IMMP2L: variants seen among roughly 807,000 people sequenced by gnomAD.
The protein encoded by IMMP2L is inner mitochondrial membrane peptidase subunit 2, also known as mitochondrial inner membrane protease subunit 2.
In IMMP2L, 18 loss-of-function variants were observed where a neutral mutation model predicts 19.3. That is an observed-to-expected ratio of 0.93 (90% confidence interval 0.64 to 1.38). The LOEUF is 1.38. Ranked by LOEUF, IMMP2L falls within the 40% of genes most tolerant of loss-of-function variation. The pLI, the probability that IMMP2L is intolerant of heterozygous loss-of-function variation, is 0.00. For missense variants in IMMP2L, 233 were observed against 218.2 expected (o/e 1.07, Z -0.43); for synonymous variants, 76 against 73.0 (o/e 1.04, Z -0.21).
intron 3 of IMMP2L, among the ~76,000 whole-genome samples, chr7:111,291,080 G>A (rs1821053956): frequency 6.6e-6 from 1 of 152,012 alleles, no homozygotes; most frequent in African/African-American, 2.4e-5. Flanking sequence ...ACTTTAATTA[G>A]AAACCACTCC....
Position 110,936,886 on chromosome 7 carries a change from A to G in IMMP2L, c.305+26614T>C, listed in dbSNP as rs558805580. Among the ~76,000 whole-genome samples, 14 of 152,310 alleles carry G rather than the reference A, an allele frequency of 9.2e-5. No individual in the cohort carries two copies. In the East Asian group the frequency reaches 2.7e-3, roughly 29 times the overall value. ...ATGCAGCCATGAAAAACATGATTTCATGTCCTGTGCAGGGACATGGATGAA... is the reference window on the plus strand; with the variant it reads ...ATGCAGCCATGAAAAACATGATTTCGTGTCCTGTGCAGGGACATGGATGAA... On this transcript the variant is annotated intron_variant, in intron 4 of 5. Transcript: ENST00000405709.
At chr7:110,684,814 A>G (rs1792995146) in intron 5 of IMMP2L, among the ~76,000 whole-genome samples, 1 of 152,056 alleles carries the variant, frequency 6.6e-6, no homozygotes, top group African/African-American at 2.4e-5. Flanking sequence ...AGTGGAATGG[A>G]ACAAGATATG....
In IMMP2L at chr7:111,539,208, A is replaced by AGGAAGGAAGGAAGG. The variant is rs1291310513; in HGVS notation, c.-2-17760_-2-17759insCCTTCCTTCCTTCC. Among the ~76,000 whole-genome samples the AGGAAGGAAGGAAGG allele has an allele frequency of 2.4e-4, 11 of 45,704 alleles. 2 individuals carry two copies. The highest frequency in any genetic ancestry group is 8.5e-4 in the South Asian group (1 of 1,174). The allele number at this position is 45,704 out of a possible 152,430, so 30.0% of individuals were successfully genotyped here. ...GGAAGGAAGGAGGGAGAAAGAAAGA[A>AGGAAGGAAGGAAGG]AGAAAGAAAGAAAGAAAGAAAGAAA... On this transcript the variant is annotated intron_variant, in intron 1 of 5. Transcript: ENST00000405709.
chr7:111,084,377 C>A (rs11976211), intron 3 of IMMP2L, among the ~76,000 whole-genome samples: 1 of 150,098 alleles, frequency 6.7e-6, no homozygotes, highest in African/African-American at 2.5e-5. Context: ...GCTTTAGACA[C>A]GTAGAGTACA....
intron 3 of IMMP2L, among the ~76,000 whole-genome samples, chr7:111,133,355 G>A (rs1802029390): frequency 6.6e-6 from 1 of 152,048 alleles, no homozygotes; most frequent in African/African-American, 2.4e-5. Context: ...GTAGTCCAGA[G>A]AGGCTTCTAA....
At chr7:111,224,066 A>T (rs1812815322) in intron 3 of IMMP2L, among the ~76,000 whole-genome samples, 1 of 152,070 alleles carries the variant, frequency 6.6e-6, no homozygotes, top group African/African-American at 2.4e-5. Flanking sequence ...TCTGCCACTC[A>T]CTGTGTGGCC....
At chr7:111,344,761 C>G (rs182517586) in intron 3 of IMMP2L, among the ~76,000 whole-genome samples, 72 of 152,240 alleles carry the variant, frequency 4.7e-4, no homozygotes, top group Non-Finnish European at 7.8e-4. Context: ...CATGTATTAA[C>G]ATGTATCAAT....
intron 3 of IMMP2L, among the ~76,000 whole-genome samples, chr7:111,258,299 T>C (rs1352248016): frequency 6.6e-6 from 1 of 152,066 alleles, no homozygotes; most frequent in African/African-American, 2.4e-5. Context: ...GAGTACAATG[T>C]ACATACTTGA....
chr7:110,723,845 T>A, intron 5 of IMMP2L, among the ~76,000 whole-genome samples: 1 of 136,976 alleles, frequency 7.3e-6, no homozygotes, highest in African/African-American at 2.8e-5. Context: ...TTGACTTACC[T>A]AGAGGGAAAG....
intron 3 of IMMP2L, among the ~76,000 whole-genome samples, chr7:111,282,483 C>T (rs922007155): frequency 6.6e-6 from 1 of 151,940 alleles, no homozygotes; most frequent in Non-Finnish European, 1.5e-5. Context: ...TATATGCAGC[C>T]AATAATGATG....
chr7:111,325,663 A>G (rs927010978), intron 3 of IMMP2L, among the ~76,000 whole-genome samples: 15 of 151,692 alleles, frequency 9.9e-5, no homozygotes, highest in African/African-American at 3.1e-4. Flanking sequence ...TTAACAAAAA[A>G]ATCCTTGAAG....
At position 111,189,246 on chromosome 7, in the gene IMMP2L, A is replaced by G. The variant is rs116721947; in HGVS notation, c.240-225681T>C. ...AACAAAATCAATTAGAGGAGACAAA[A>G]GAGGCAGAAAGATGTGTCTCAAAAG... is the stretch of plus-strand genomic sequence containing the variant. On this transcript the variant is annotated intron_variant, in intron 3 of 5. Transcript: ENST00000405709. 1.7e-3 allele frequency among the ~76,000 whole-genome samples: 255 copies of G among 152,216 alleles called. 4 individuals are homozygous for G. The highest frequency in any genetic ancestry group is 5.8e-3 in the African/African-American group (241 of 41,516).
chr7:111,059,273 C>T (rs1048422312), intron 3 of IMMP2L, among the ~76,000 whole-genome samples: 1 of 152,146 alleles, frequency 6.6e-6, no homozygotes. Flanking sequence ...TGAGCCACCA[C>T]GCCCAGCCTT....
chr7:111,059,735 A>G lies in IMMP2L; in HGVS notation c.240-96170T>C, dbSNP rs79969519. On this transcript the variant is annotated intron_variant, in intron 3 of 5. Coordinates refer to ENST00000405709, the MANE Select transcript of IMMP2L (RefSeq NM_032549.4). ...CTCAAAATTTTAACAGGAGACCACA[A>G]AGTAAATTCTCCCCAAGGGTAAACT... Among the ~76,000 whole-genome samples the G allele has an allele frequency of 1.8e-3, 273 of 152,270 alleles. 2 individuals are homozygous for G. Among genetic ancestry groups the G allele is most frequent in the African/African-American group, 6.3e-3 (260 of 41,552 alleles).
At chr7:111,417,348 G>T (rs1415413451) in intron 3 of IMMP2L, among the ~76,000 whole-genome samples, 1 of 151,826 alleles carries the variant, frequency 6.6e-6, no homozygotes, top group Non-Finnish European at 1.5e-5. Flanking sequence ...GCAACCTGGG[G>T]ATCATGCAAA....
rs145564078 is a variant in IMMP2L, at chr7:110,702,643, T to C, written c.409-38922A>G. Among the ~76,000 whole-genome samples the C allele has an allele frequency of 6.5e-4, 99 of 152,310 alleles. 1 individual carries two copies. In the East Asian group the frequency reaches 0.015, roughly 23 times the overall value. ...ATGTATTGCACATATTTTGTTAAAT[T>C]CATCCCTTAGTTTTTCAAGGTTTTA... is the stretch of plus-strand genomic sequence containing the variant. On this transcript the variant is annotated intron_variant, in intron 5 of 5. Transcript: ENST00000405709.
intron 3 of IMMP2L, among the ~76,000 whole-genome samples, chr7:111,269,894 TATC>T (rs1196364160): frequency 6.6e-6 from 1 of 152,148 alleles, no homozygotes; most frequent in Non-Finnish European, 1.5e-5. Flanking sequence ...GAGAAGCTCT[TATC>T]ATGTTCTGAT....
rs148178428 is a variant in IMMP2L at position 111,377,728 on chromosome 7, C to T, written c.239+109510G>A. 2.2e-3 allele frequency among the ~76,000 whole-genome samples: 336 copies of T among 152,030 alleles called. 1 individual carries two copies. The highest frequency in any genetic ancestry group is 3.6e-3 in the Admixed American group (55 of 15,204). ...TGCTTAGATAATCTCTGAGTTTAGGCTGCTTGCAATTACAAAACTCCATTT... is the reference window on the plus strand; with the variant it reads ...TGCTTAGATAATCTCTGAGTTTAGGTTGCTTGCAATTACAAAACTCCATTT... On this transcript the variant is annotated intron_variant, in intron 3 of 5. Transcript: ENST00000405709.
intron 5 of IMMP2L, among the ~76,000 whole-genome samples, chr7:110,862,262 T>A (rs1240191056): frequency 1.3e-5 from 2 of 151,896 alleles, no homozygotes; most frequent in African/African-American, 4.8e-5. Flanking sequence ...GGGGCTGTGT[T>A]TTATACTTTT....
Sources: allele counts gnomAD v4.1 joint callset (sites outside exome capture counted in the v4.1 genomes callset), GRCh38; gene constraint gnomAD v4.1.1; transcripts MANE v1.5; gene names NCBI Gene and HGNC (gene_info 2026-07-23, HGNC 2026-07-21).